The following CACNA2D3 variants were observed in gnomAD, a reference collection of about 807,000 sequenced individuals.
The protein encoded by CACNA2D3 is voltage-dependent calcium channel subunit alpha-2/delta-3.
A neutral mutation model predicts 160.6 loss-of-function variants in CACNA2D3; 60 were observed. The observed-to-expected ratio is 0.37, with a 90% CI of 0.30 to 0.46. CACNA2D3 has a LOEUF of 0.46. Ranked by LOEUF, CACNA2D3 falls within the 20% of genes least tolerant of loss-of-function variation. The probability of loss-of-function intolerance (pLI) is 1.00; values close to 1 mark genes in which losing one functional copy is unlikely to be tolerated. For missense variants in CACNA2D3, 1,205 were observed against 1,365.0 expected (o/e 0.88, Z 1.85); for synonymous variants, 558 against 492.9 (o/e 1.13, Z -1.75).
chr3:54,544,445 C>T (rs1014767414), intron 5 of CACNA2D3, among the ~76,000 whole-genome samples: 1 of 150,710 alleles, frequency 6.6e-6, no homozygotes, highest in Non-Finnish European at 1.5e-5. Flanking sequence ...ATTCTGTTAT[C>T]AAGACTGGAG....
chr3:54,765,043 T>G (rs1487568534), intron 13 of CACNA2D3, among the ~76,000 whole-genome samples: 1 of 152,168 alleles, frequency 6.6e-6, no homozygotes, highest in Admixed American at 6.5e-5. Flanking sequence ...TGTTTTTCAT[T>G]TATTGATTGT....
chr3:54,349,549 T>C (rs1268777694), intron 3 of CACNA2D3, among the ~76,000 whole-genome samples: 1 of 152,254 alleles, frequency 6.6e-6, no homozygotes, highest in African/African-American at 2.4e-5. Flanking sequence ...TGTTTATCTT[T>C]ATTTCACTAT....
intron 5 of CACNA2D3, among the ~76,000 whole-genome samples, chr3:54,532,395 C>T (rs1701819390): frequency 6.6e-6 from 1 of 152,164 alleles, no homozygotes; most frequent in Admixed American, 6.5e-5. Flanking sequence ...GAAGTCTGGG[C>T]TTGTGATGTA....
At chr3:54,757,617 A>G (rs1701998126) in intron 12 of CACNA2D3, among the ~76,000 whole-genome samples, 1 of 152,192 alleles carries the variant, frequency 6.6e-6, no homozygotes, top group Non-Finnish European at 1.5e-5. Flanking sequence ...TTAGAATCAG[A>G]GATTTTGAGT....
intron 35 of CACNA2D3, among the ~76,000 whole-genome samples, chr3:55,067,924 A>G (rs1003300272): frequency 1.3e-5 from 2 of 152,234 alleles, no homozygotes; most frequent in South Asian, 2.1e-4. Flanking sequence ...CATTTAAAGC[A>G]TATGGCTAGA....
At chr3:54,219,911 C>T (rs1221131388) in intron 2 of CACNA2D3, among the ~76,000 whole-genome samples, 1 of 151,914 alleles carries the variant, frequency 6.6e-6, no homozygotes, top group African/African-American at 2.4e-5. Context: ...TAAAAAAAAA[C>T]TACTATCTTT....
At chr3:54,358,810 C>G (rs1373849155) in intron 3 of CACNA2D3, among the ~76,000 whole-genome samples, 2 of 152,156 alleles carry the variant, frequency 1.3e-5, no homozygotes, top group Non-Finnish European at 2.9e-5. Context: ...TACTAAAAGT[C>G]AAAAGGTAGA....
chr3:55,051,843 A>C (rs1442306207), intron 35 of CACNA2D3, among the ~76,000 whole-genome samples: 1 of 152,128 alleles, frequency 6.6e-6, no homozygotes, highest in African/African-American at 2.4e-5. Flanking sequence ...AAAGCGCAGT[A>C]TTCGGGTGGG....
intron 27 of CACNA2D3, among the ~76,000 whole-genome samples, chr3:54,933,613 A>C (rs1259057686): frequency 6.6e-6 from 1 of 152,222 alleles, no homozygotes; most frequent in Non-Finnish European, 1.5e-5. Flanking sequence ...TTCTGCCTCC[A>C]CATTTTATTG....
intron 34 of CACNA2D3, among the ~76,000 whole-genome samples, chr3:55,013,266 T>G (rs569226476): frequency 6.6e-6 from 1 of 152,306 alleles, no homozygotes; most frequent in African/African-American, 2.4e-5. Context: ...GTCAGACAGC[T>G]AAGAGGCAGT....
chr3:54,502,685 C>T (rs970586278), intron 4 of CACNA2D3, among the ~76,000 whole-genome samples: 4 of 152,186 alleles, frequency 2.6e-5, no homozygotes, highest in Admixed American at 2.0e-4. Context: ...CTTTCCTTAT[C>T]AGCTGTGTAA....
intron 5 of CACNA2D3, among the ~76,000 whole-genome samples, chr3:54,526,149 C>T (rs999500813): frequency 6.6e-6 from 1 of 151,844 alleles, no homozygotes; most frequent in Non-Finnish European, 1.5e-5. Context: ...GTTTTTAAGC[C>T]CAGAATTTCC....
chr3:54,880,773 A>T (rs765823144), intron 20 of CACNA2D3, 23 bp from the exon 21 acceptor site: 7 of 1,606,852 alleles, frequency 4.4e-6, no homozygotes, highest in Non-Finnish European at 4.3e-6. Context: ...GGATTTCAAG[A>T]TTTGCTTTGT....
chr3:54,578,212 G>C (rs1210471897), intron 8 of CACNA2D3, among the ~76,000 whole-genome samples: 1 of 152,214 alleles, frequency 6.6e-6, no homozygotes, highest in Non-Finnish European at 1.5e-5. Flanking sequence ...ATTGCATCTA[G>C]CTGGTGATGA....
chr3:54,621,634 C>T (rs556125133), intron 9 of CACNA2D3, among the ~76,000 whole-genome samples: 19 of 152,288 alleles, frequency 1.2e-4, no homozygotes, highest in Non-Finnish European at 2.5e-4. Flanking sequence ...TTTTGGTACA[C>T]GGCTGTTCAG....
chr3:54,377,827 G>C (rs548816536), intron 3 of CACNA2D3, among the ~76,000 whole-genome samples: 17 of 152,184 alleles, frequency 1.1e-4, no homozygotes, highest in Admixed American at 1.1e-3. Flanking sequence ...TTACCTAATA[G>C]GTTCTCAACA....
chr3:54,816,710 TA>T (rs1195217872), intron 13 of CACNA2D3, 142 bp from the exon 14 acceptor site: 1 of 829,680 alleles, frequency 1.2e-6, no homozygotes, highest in Non-Finnish European at 1.9e-6. Context: ...TTTTGAAAAA[TA>T]ACTTGCTTTA....
chr3:54,693,572 A>C (rs564538825), intron 11 of CACNA2D3, among the ~76,000 whole-genome samples: 1 of 152,352 alleles, frequency 6.6e-6, no homozygotes, highest in East Asian at 1.9e-4. Flanking sequence ...AAGAAAATTT[A>C]GCTGTAACAC....
chr3:55,065,382 C>G (rs537394728), intron 35 of CACNA2D3, among the ~76,000 whole-genome samples: 52 of 152,172 alleles, frequency 3.4e-4, no homozygotes, highest in Non-Finnish European at 6.9e-4. Flanking sequence ...TACCCCAACC[C>G]CCTACTCCCA....
Sources: allele counts gnomAD v4.1 joint callset (sites outside exome capture counted in the v4.1 genomes callset), GRCh38; gene constraint gnomAD v4.1.1; transcripts MANE v1.5; gene names NCBI Gene and HGNC (gene_info 2026-07-23, HGNC 2026-07-21).